Variants in C6orf89 observed in about 807,000 individuals in gnomAD.
C6orf89 encodes chromosome 6 open reading frame 89, also known as bombesin receptor-activated protein C6orf89.
In C6orf89, 29 loss-of-function variants were observed where a neutral mutation model predicts 40.7. That is an observed-to-expected ratio of 0.71 (90% confidence interval 0.53 to 0.97). C6orf89 has a LOEUF of 0.97. Ranked by LOEUF, C6orf89 falls within the 50% of genes least tolerant of loss-of-function variation. The pLI is 0.00. For missense variants in C6orf89, 392 were observed against 429.1 expected (o/e 0.91, Z 0.76); for synonymous variants, 165 against 152.2 (o/e 1.08, Z -0.62).
At chr6:36,882,862 C>A (rs1022665081), upstream of C6orf89, among the ~76,000 whole-genome samples, 4 of 151,410 alleles carry the variant, frequency 2.6e-5, no homozygotes, top group Non-Finnish European at 5.9e-5. Context: ...CTCAGCCTCC[C>A]GAGTAGCTGG....
At chr6:36,903,158 A>G (rs1290822467) in intron 4 of C6orf89, among the ~76,000 whole-genome samples, 2 of 152,074 alleles carry the variant, frequency 1.3e-5, no homozygotes, top group Non-Finnish European at 2.9e-5. Context: ...AGCTGAGGCA[A>G]AAGGATTGGT....
At chr6:36,916,384 T>G in intron 6 of C6orf89, 61 bp from the exon 7 acceptor site, 1 of 1,604,064 alleles carries the variant, frequency 6.2e-7, no homozygotes, top group Non-Finnish European at 8.5e-7. Context: ...CTTGGCTCTC[T>G]CTTAGTCATG....
chr6:36,881,782 G>A (rs1583136505), upstream of C6orf89, among the ~76,000 whole-genome samples: 1 of 151,580 alleles, frequency 6.6e-6, no homozygotes, highest in East Asian at 1.9e-4. Context: ...TCCATAAATG[G>A]GACATTGGAA....
intron 3 of C6orf89, among the ~76,000 whole-genome samples, chr6:36,901,631 G>T (rs1761718882): frequency 6.8e-6 from 1 of 147,612 alleles, no homozygotes; most frequent in South Asian, 2.1e-4. Context: ...ACTGCGCCCG[G>T]CCCCCTTTGT....
At chr6:36,902,155 G>GT (rs1439822069) in intron 3 of C6orf89, 66 bp from the exon 4 acceptor site, 141 of 1,393,442 alleles carry the variant, frequency 1.0e-4, no homozygotes, top group East Asian at 4.1e-4. Flanking sequence ...GTTTTGTTTT[G>GT]TTTTTTTTCT....
At chr6:36,882,652 G>A (rs1193805365), upstream of C6orf89, among the ~76,000 whole-genome samples, 19 of 150,930 alleles carry the variant, frequency 1.3e-4, no homozygotes, top group Admixed American at 1.1e-3. Flanking sequence ...CTTCAGATGC[G>A]TTTGGCTACC....
At chr6:36,883,095 A>C (rs1261978420), upstream of C6orf89, 1 of 152,228 alleles carries the variant, frequency 6.6e-6, no homozygotes, top group Non-Finnish European at 1.5e-5. Flanking sequence ...CCCATGCAAT[A>C]GGGCTGATGT....
At chr6:36,873,905 T>C (rs1358014889) in intron 1 of C6orf89, among the ~76,000 whole-genome samples, 1 of 152,224 alleles carries the variant, frequency 6.6e-6, no homozygotes, top group Non-Finnish European at 1.5e-5. Context: ...TATACTGTTA[T>C]AGCAGCAAGA....
At chr6:36,891,305 C>T (rs1316027421) in intron 1 of C6orf89, among the ~76,000 whole-genome samples, 2 of 152,104 alleles carry the variant, frequency 1.3e-5, no homozygotes, top group Non-Finnish European at 1.5e-5. Context: ...CATCCATGTC[C>T]CTATAAAGGA....
intron 1 of C6orf89, among the ~76,000 whole-genome samples, chr6:36,873,653 G>A: frequency 6.6e-6 from 1 of 152,200 alleles, no homozygotes; most frequent in South Asian, 2.1e-4. Context: ...ACAGGTTGGA[G>A]CCTGAAGATG....
rs138153958 is a variant in C6orf89 at position 36,912,368 on chromosome 6, A to G, written c.404-1916A>G. On this transcript the variant is annotated intron_variant, in intron 4 of 8. Transcript: ENST00000480824. ...CTAACATAGGGCAAGCACTCAGTGC[A>G]TTAGCTTGCTTTCTCCTTCCCCTTC... 1.5e-3 allele frequency among the ~76,000 whole-genome samples: 226 copies of G among 152,358 alleles called. 1 individual carries two copies. The highest frequency in any genetic ancestry group is 5.1e-3 in the African/African-American group (214 of 41,586).
At chr6:36,882,747 T>C (rs1774856673), upstream of C6orf89, among the ~76,000 whole-genome samples, 1 of 137,078 alleles carries the variant, frequency 7.3e-6, no homozygotes, top group South Asian at 2.4e-4. Flanking sequence ...TTTTTTTTTT[T>C]TGAGACGGAG....
intron 4 of C6orf89, among the ~76,000 whole-genome samples, chr6:36,906,890 A>G (rs986547391): frequency 7.2e-5 from 11 of 152,210 alleles, no homozygotes; most frequent in Non-Finnish European, 1.3e-4. Context: ...TCTTGGCTAT[A>G]TTTATAATGC....
intron 1 of C6orf89, among the ~76,000 whole-genome samples, chr6:36,873,120 C>A (rs866820304): frequency 3.9e-5 from 6 of 152,230 alleles, no homozygotes; most frequent in Admixed American, 6.5e-5. Flanking sequence ...AGCTTACATT[C>A]TGGAGGATAT....
At chr6:36,886,454 T>A (rs1774993383) in intron 1 of C6orf89, among the ~76,000 whole-genome samples, 1 of 152,206 alleles carries the variant, frequency 6.6e-6, no homozygotes, top group Non-Finnish European at 1.5e-5. Context: ...TTTTTTTTCT[T>A]TAAATGTGTA....
chr6:36,911,316 C>G (rs1275193598), intron 4 of C6orf89, among the ~76,000 whole-genome samples: 2 of 152,034 alleles, frequency 1.3e-5, no homozygotes, highest in East Asian at 3.9e-4. Flanking sequence ...ATGGTGAAAC[C>G]CTGTCTCTAC....
intron 3 of C6orf89, among the ~76,000 whole-genome samples, chr6:36,901,324 T>TTACTA (rs1561865541): frequency 1.5e-3 from 41 of 26,956 alleles, no homozygotes; most frequent in African/African-American, 9.3e-3. Context: ...TATTATTATT[T>TTACTA]TTTTTTTTTT....
intron 8 of C6orf89, among the ~76,000 whole-genome samples, chr6:36,920,561 A>G (rs1403106954): frequency 1.3e-5 from 2 of 152,212 alleles, no homozygotes; most frequent in Non-Finnish European, 2.9e-5. Flanking sequence ...TGCATCTCAT[A>G]TGAGGGTAGG....
chr6:36,911,975 T>C (rs1242221565), intron 4 of C6orf89, among the ~76,000 whole-genome samples: 1 of 114,682 alleles, frequency 8.7e-6, no homozygotes, highest in African/African-American at 3.2e-5. Flanking sequence ...AAAACCAAAA[T>C]ATAACCAGAT....
Sources: gnomAD v4.1 joint callset for allele counts (sites outside exome capture counted in the v4.1 genomes callset) on GRCh38, gnomAD v4.1.1 for gene constraint, MANE v1.5 for transcripts, NCBI Gene and HGNC (gene_info 2026-07-23, HGNC 2026-07-21) for gene names.